Variants in LRP1B observed in about 807,000 individuals in gnomAD.
LRP1B encodes low-density lipoprotein receptor-related protein 1B.
In LRP1B, 217 loss-of-function variants were observed where a neutral mutation model predicts 556.6. The observed-to-expected ratio is 0.39, with a 90% CI of 0.35 to 0.44. The LOEUF is 0.44. Ranked by LOEUF, LRP1B falls within the 20% of genes least tolerant of loss-of-function variation. LRP1B has a pLI of 1.00. For missense variants in LRP1B, 5,053 were observed against 5,620.8 expected (o/e 0.90, Z 3.23); for synonymous variants, 2,047 against 1,865.8 (o/e 1.10, Z -2.50).
At chr2:140,678,082 A>G (rs565343795) in intron 41 of LRP1B, among the ~76,000 whole-genome samples, 1 of 152,182 alleles carries the variant, frequency 6.6e-6, no homozygotes, top group South Asian at 2.1e-4. Context: ...GAACCCAGGG[A>G]ATCTTATTTT....
At chr2:141,283,427 G>A (rs554977451) in intron 3 of LRP1B, among the ~76,000 whole-genome samples, 23 of 152,052 alleles carry the variant, frequency 1.5e-4, no homozygotes, top group Non-Finnish European at 1.0e-4. Flanking sequence ...GGAAGGCGGG[G>A]GAGGTGGGGA....
chr2:140,874,097 A>C (rs144857366), intron 25 of LRP1B, among the ~76,000 whole-genome samples: 1 of 152,286 alleles, frequency 6.6e-6, no homozygotes, highest in Non-Finnish European at 1.5e-5. Context: ...GATCTGTGTA[A>C]GTCAAAATAA....
intron 41 of LRP1B, among the ~76,000 whole-genome samples, chr2:140,611,849 A>C (rs1455102560): frequency 3.3e-5 from 5 of 152,138 alleles, no homozygotes; most frequent in African/African-American, 4.8e-5. Flanking sequence ...CTACAATCCC[A>C]AAATGTATGG....
intron 2 of LRP1B, among the ~76,000 whole-genome samples, chr2:141,664,876 C>CA (rs1558790259): frequency 6.6e-6 from 1 of 151,942 alleles, no homozygotes; most frequent in East Asian, 1.9e-4. Context: ...GATATGGAAC[C>CA]AAAAAAGAGC....
intron 31 of LRP1B, among the ~76,000 whole-genome samples, chr2:140,827,825 G>A (rs938546100): frequency 1.4e-4 from 22 of 152,016 alleles, no homozygotes; most frequent in Non-Finnish European, 2.9e-5. Context: ...TAATAATCAA[G>A]TTCTGAAAGG....
At chr2:141,560,148 A>G (rs968959249) in intron 2 of LRP1B, among the ~76,000 whole-genome samples, 3 of 151,724 alleles carry the variant, frequency 2.0e-5, no homozygotes, top group Non-Finnish European at 1.5e-5. Context: ...TGCATGCACT[A>G]TCTAAAACCA....
At chr2:141,992,663 C>T (rs894846924) in intron 1 of LRP1B, among the ~76,000 whole-genome samples, 1 of 151,988 alleles carries the variant, frequency 6.6e-6, no homozygotes, top group Non-Finnish European at 1.5e-5. Flanking sequence ...TGCATTCTGC[C>T]CGGTGTGGGA....
At chr2:141,339,360 A>G (rs962140385) in intron 3 of LRP1B, among the ~76,000 whole-genome samples, 5 of 151,970 alleles carry the variant, frequency 3.3e-5, no homozygotes, top group African/African-American at 7.3e-5. Flanking sequence ...TGAACTTTCT[A>G]AAGTCAATAC....
intron 2 of LRP1B, among the ~76,000 whole-genome samples, chr2:141,797,236 C>G (rs1333962697): frequency 7.1e-6 from 1 of 141,666 alleles, no homozygotes; most frequent in Non-Finnish European, 1.5e-5. Context: ...ATATCTGAAA[C>G]TGCCTATGGA....
At chr2:141,034,246 C>T (rs545145434) in intron 11 of LRP1B, among the ~76,000 whole-genome samples, 28 of 152,196 alleles carry the variant, frequency 1.8e-4, no homozygotes, top group Non-Finnish European at 2.2e-4. Flanking sequence ...TATTTCTGAT[C>T]GCTGATGGTA....
At chr2:141,780,718 T>C (rs1574352056) in intron 2 of LRP1B, among the ~76,000 whole-genome samples, 1 of 152,218 alleles carries the variant, frequency 6.6e-6, no homozygotes, top group Non-Finnish European at 1.5e-5. Flanking sequence ...TATAATGCAA[T>C]TGTTTTATCA....
At chr2:140,529,442 G>GGA (rs1553481433) in intron 47 of LRP1B, among the ~76,000 whole-genome samples, 1,519 of 149,856 alleles carry the variant, frequency 0.01, 25 homozygotes, top group African/African-American at 0.028. Flanking sequence ...AGGGGGGGGG[G>GGA]AAGCATTAAG....
At chr2:140,411,083 T>G (rs1387118387) in intron 66 of LRP1B, among the ~76,000 whole-genome samples, 2 of 152,200 alleles carry the variant, frequency 1.3e-5, no homozygotes, top group Non-Finnish European at 2.9e-5. Context: ...CTAATTAATA[T>G]ACTGGTTAAT....
chr2:140,265,850 A>G (rs1373547334), intron 86 of LRP1B, among the ~76,000 whole-genome samples: 1 of 152,146 alleles, frequency 6.6e-6, no homozygotes, highest in Non-Finnish European at 1.5e-5. Flanking sequence ...ATGTTCCCTT[A>G]GCTGGACTTT....
At chr2:140,388,138 T>C (rs1573877482) in intron 66 of LRP1B, among the ~76,000 whole-genome samples, 3 of 152,262 alleles carry the variant, frequency 2.0e-5, no homozygotes, top group East Asian at 3.9e-4. Context: ...GGTTTCGCCA[T>C]GTAGGCCAGG....
chr2:141,810,014 G>T (rs1332027641), intron 2 of LRP1B, among the ~76,000 whole-genome samples: 1 of 150,498 alleles, frequency 6.6e-6, no homozygotes, highest in Non-Finnish European at 1.5e-5. Context: ...CTCCAAAACT[G>T]CATTTTATGC....
rs764927004 is a variant in LRP1B, at chr2:141,647,782, T to C, written c.205+162497A>G. 2.6e-5 allele frequency among the ~76,000 whole-genome samples: 4 copies of C among 151,652 alleles called. No individual in the cohort carries two copies. In the South Asian group the frequency reaches 6.2e-4, roughly 24 times the overall value. On this transcript the variant is annotated intron_variant, in intron 2 of 90. Transcript: ENST00000389484. Reference sequence around the variant, plus strand: ...TCATTGACTGGTTTTAACAGTCTAATATTTTTGTTCAGGGAAAAAGTTTGA... The same window carrying C: ...TCATTGACTGGTTTTAACAGTCTAACATTTTTGTTCAGGGAAAAAGTTTGA...
chr2:141,495,549 T>C (rs1683480287), intron 2 of LRP1B, among the ~76,000 whole-genome samples: 1 of 152,078 alleles, frequency 6.6e-6, no homozygotes, highest in Non-Finnish European at 1.5e-5. Context: ...TATATGCAAA[T>C]AAAAATTCCA....
chr2:140,746,736 A>G (rs1688327187), intron 35 of LRP1B, among the ~76,000 whole-genome samples: 1 of 152,084 alleles, frequency 6.6e-6, no homozygotes, highest in Non-Finnish European at 1.5e-5. Flanking sequence ...TATTTGTTAA[A>G]GGCTTTTAGT....
Sources: allele counts gnomAD v4.1 joint callset (sites outside exome capture counted in the v4.1 genomes callset), GRCh38; gene constraint gnomAD v4.1.1; transcripts MANE v1.5; gene names NCBI Gene and HGNC (gene_info 2026-07-23, HGNC 2026-07-21).